Variants in PPM1E observed in about 807,000 individuals in gnomAD.
The protein encoded by PPM1E is protein phosphatase 1E.
PPM1E carries 20 observed loss-of-function variants against 65.9 expected under a neutral mutation model. The ratio of observed to expected loss-of-function variants is 0.30; its 90% CI spans 0.21 to 0.44. The LOEUF (loss-of-function observed/expected upper bound fraction) is 0.44. PPM1E is among the 20% of genes least tolerant of loss of function. The pLI is 1.00. For synonymous variants in PPM1E, 352 were observed against 374.9 expected, an observed-to-expected ratio of 0.94 and a Z score of 0.70; for missense variants, 713 against 953.1, an observed-to-expected ratio of 0.75 and a Z score of 3.32.
Position 58,982,905 on chromosome 17 carries a change from G to A in PPM1E, c.*1874G>A. The A allele has an allele frequency of 6.4e-7, 1 of 1,573,416 alleles. No individual in the cohort carries two copies. The highest frequency in any genetic ancestry group is 8.6e-7 in the Non-Finnish European group (1 of 1,157,872). ...TGTTAACCCATCAGGTGCAGTGTCA[G>A]TTTCAAATCAAATTATCTAAGAAAA... On this transcript the variant is annotated 3_prime_UTR_variant, in exon 7 of 7. Transcript: ENST00000308249.
intron 1 of PPM1E, among the ~76,000 whole-genome samples, chr17:58,835,648 T>TA (rs1171964255): frequency 2.0e-5 from 3 of 151,724 alleles, no homozygotes; most frequent in African/African-American, 7.3e-5. Flanking sequence ...GTGAGACCTC[T>TA]ATCTCTACAA....
intron 1 of PPM1E, among the ~76,000 whole-genome samples, chr17:58,862,184 T>C (rs188751982): frequency 2.1e-3 from 313 of 152,342 alleles, no homozygotes; most frequent in Non-Finnish European, 3.4e-3. Context: ...AGCCAGTATT[T>C]ATCAAAAAGG....
chr17:58,800,198 C>A (rs531952584), intron 1 of PPM1E, among the ~76,000 whole-genome samples: 1 of 151,532 alleles, frequency 6.6e-6, no homozygotes, highest in East Asian at 1.9e-4. Context: ...TGTCCTTTAT[C>A]TGTTAATGTG....
At chr17:58,939,874 G>T (rs2052040297) in intron 1 of PPM1E, among the ~76,000 whole-genome samples, 1 of 152,094 alleles carries the variant, frequency 6.6e-6, no homozygotes, top group Non-Finnish European at 1.5e-5. Flanking sequence ...CAAAATATCT[G>T]TTTATATACA....
chr17:58,820,657 G>C (rs1172224676), intron 1 of PPM1E, among the ~76,000 whole-genome samples: 1 of 152,174 alleles, frequency 6.6e-6, no homozygotes, highest in Non-Finnish European at 1.5e-5. Context: ...GAATAAGGTA[G>C]AGACTGAATA....
chr17:58,782,294 C>A (rs1388718047), intron 1 of PPM1E, among the ~76,000 whole-genome samples: 2 of 151,956 alleles, frequency 1.3e-5, no homozygotes, highest in East Asian at 3.8e-4. Flanking sequence ...AACATTAAAA[C>A]ATAATTATAT....
At chr17:58,895,322 G>C (rs987093552) in intron 1 of PPM1E, among the ~76,000 whole-genome samples, 1 of 152,090 alleles carries the variant, frequency 6.6e-6, no homozygotes, top group Non-Finnish European at 1.5e-5. Flanking sequence ...TGGGCTAAAC[G>C]TTCAAGTGAA....
At chr17:58,953,627 T>C (rs1365523358) in intron 1 of PPM1E, among the ~76,000 whole-genome samples, 1 of 152,218 alleles carries the variant, frequency 6.6e-6, no homozygotes, top group Non-Finnish European at 1.5e-5. Context: ...TCCATTTCCG[T>C]AGCTTTAAAT....
intron 1 of PPM1E, chr17:58,951,466 C>T (rs1221484910): frequency 6.6e-6 from 1 of 152,124 alleles, no homozygotes; most frequent in African/African-American, 2.4e-5. Context: ...ATTGCTTGAG[C>T]TTAGGAGTTC....
intron 1 of PPM1E, among the ~76,000 whole-genome samples, chr17:58,922,055 AG>A (rs1261045634): frequency 4.0e-5 from 6 of 151,102 alleles, no homozygotes; most frequent in African/African-American, 1.5e-4. Flanking sequence ...GAAAAAAAAA[AG>A]AAAAAAAAAA....
chr17:58,874,784 T>C (rs919258021), intron 1 of PPM1E, among the ~76,000 whole-genome samples: 8 of 152,224 alleles, frequency 5.3e-5, no homozygotes, highest in African/African-American at 1.9e-4. Context: ...ACTCCTCACA[T>C]TGCAATTTTC....
chr17:58,812,997 G>A (rs1464544733), intron 1 of PPM1E, among the ~76,000 whole-genome samples: 1 of 152,170 alleles, frequency 6.6e-6, no homozygotes, highest in Non-Finnish European at 1.5e-5. Context: ...GGCCCAAACA[G>A]TGATACATGT....
At chr17:58,885,066 T>G (rs756763341) in intron 1 of PPM1E, among the ~76,000 whole-genome samples, 6 of 152,212 alleles carry the variant, frequency 3.9e-5, no homozygotes, top group Admixed American at 3.3e-4. Flanking sequence ...TTATTTTATT[T>G]ATTTTTTTGA....
At chr17:58,777,350 C>T (rs542868897) in intron 1 of PPM1E, among the ~76,000 whole-genome samples, 258 of 152,076 alleles carry the variant, frequency 1.7e-3, no homozygotes, top group African/African-American at 6.0e-3. Context: ...TTGAATTATC[C>T]GTGGAACTCA....
At chr17:58,872,432 A>G (rs1449098846) in intron 1 of PPM1E, among the ~76,000 whole-genome samples, 3 of 152,198 alleles carry the variant, frequency 2.0e-5, no homozygotes, top group Non-Finnish European at 4.4e-5. Context: ...AATGAAAGTA[A>G]TTTGTGTTGG....
At chr17:58,819,784 C>T (rs185291325) in intron 1 of PPM1E, among the ~76,000 whole-genome samples, 92 of 152,132 alleles carry the variant, frequency 6.0e-4, no homozygotes, top group African/African-American at 1.7e-3. Flanking sequence ...TACCTGTAAT[C>T]GCAGCACTTT....
chr17:58,772,573 A>G (rs1435949383), intron 1 of PPM1E, among the ~76,000 whole-genome samples: 1 of 152,194 alleles, frequency 6.6e-6, no homozygotes, highest in African/African-American at 2.4e-5. Flanking sequence ...AAGACTCAAT[A>G]AGAATTAGCC....
In PPM1E at chr17:58,937,008, C is replaced by T. The variant is rs190107639; in HGVS notation, c.465-18641C>T. Among the ~76,000 whole-genome samples the T allele has an allele frequency of 1.9e-3, 288 of 151,916 alleles. 3 individuals are homozygous for T. The highest frequency in any genetic ancestry group is 6.7e-3 in the African/African-American group (276 of 41,456). On this transcript the variant is annotated intron_variant, in intron 1 of 6. Coordinates refer to ENST00000308249, the MANE Select transcript of PPM1E (RefSeq NM_014906.5). ...TATAGTGGAGATGGAATAATAAGCTCTTGTAAGGCCGGGCGCGGTGGCTCA... is the reference window on the plus strand; with the variant it reads ...TATAGTGGAGATGGAATAATAAGCTTTTGTAAGGCCGGGCGCGGTGGCTCA...
chr17:58,826,500 A>G (rs771728995), intron 1 of PPM1E, among the ~76,000 whole-genome samples: 5 of 152,202 alleles, frequency 3.3e-5, no homozygotes, highest in African/African-American at 9.6e-5. Context: ...AGCAAGAGGT[A>G]CATTAACTGT....
Sources: gnomAD v4.1 joint callset for allele counts (sites outside exome capture counted in the v4.1 genomes callset) on GRCh38, gnomAD v4.1.1 for gene constraint, MANE v1.5 for transcripts, NCBI Gene and HGNC (gene_info 2026-07-23, HGNC 2026-07-21) for gene names.